The following UBR2 variants were observed in gnomAD, a reference collection of about 807,000 sequenced individuals.
UBR2 encodes the protein ubiquitin protein ligase E3 component n-recognin 2.
Under a neutral mutation model 247.9 loss-of-function variants are expected in UBR2, and 92 were observed. That is an observed-to-expected ratio of 0.37 (90% CI 0.31 to 0.44). The LOEUF (loss-of-function observed/expected upper bound fraction) is 0.44, where lower values mean the gene tolerates loss of function less well. Among genes scored for constraint, UBR2 ranks in the 20% least tolerant of loss-of-function variants. The pLI is 1.00. For missense variants in UBR2, 1,613 were observed against 2,112.6 expected (o/e 0.76, Z 4.64); for synonymous variants, 672 against 693.5 (o/e 0.97, Z 0.49).
intron 3 of UBR2, among the ~76,000 whole-genome samples, chr6:42,593,242 T>C (rs1442684194): frequency 2.0e-5 from 3 of 152,076 alleles, no homozygotes; most frequent in Non-Finnish European, 4.4e-5. Context: ...GTCTGTTCAT[T>C]AGTCTCATAA....
chr6:42,691,559 G>T lies in UBR2; in HGVS notation c.*386G>T, dbSNP rs1330685174. On this transcript the variant is annotated 3_prime_UTR_variant, in exon 47 of 47. Transcript: ENST00000372901. ...GGGAACAAAGTCTCTGTGGTCTGTT[G>T]GGTCATACTTCCTGGTTCCACTGAG... is the stretch of plus-strand genomic sequence containing the variant. 7.4e-6 allele frequency: 2 copies of T among 271,232 alleles called. No individual in the cohort carries two copies. The highest frequency in any genetic ancestry group is 3.7e-5 in the South Asian group (1 of 26,888). The allele number at this position is 271,232 out of a possible 1,614,324, so 16.8% of individuals were successfully genotyped here.
intron 2 of UBR2, among the ~76,000 whole-genome samples, chr6:42,583,591 A>G (rs57353881): frequency 0.022 from 3,252 of 149,420 alleles, 106 homozygotes; most frequent in African/African-American, 0.075. Context: ...GCACGATCTC[A>G]GCTCACTGCA....
Position 42,685,379 on chromosome 6 carries a change from C to T in UBR2, c.4853+508C>T, listed in dbSNP as rs190798888. Among the ~76,000 whole-genome samples, 777 of 147,528 alleles carry T rather than the reference C, an allele frequency of 5.3e-3. 4 individuals carry two copies. The highest frequency in any genetic ancestry group is 9.5e-3 in the Non-Finnish European group (629 of 66,218). ...ATAAAAGCATCATTTCACTATGTTTCAGAATAAGACATGGAATGGGAGTAG... is the reference window on the plus strand; with the variant it reads ...ATAAAAGCATCATTTCACTATGTTTTAGAATAAGACATGGAATGGGAGTAG... On this transcript the variant is annotated intron_variant, in intron 44 of 46. Coordinates refer to ENST00000372901, the MANE Select transcript of UBR2 (RefSeq NM_001363705.2).
chr6:42,629,296 C>G (rs1465798697), intron 11 of UBR2, among the ~76,000 whole-genome samples: 1 of 149,778 alleles, frequency 6.7e-6, no homozygotes, highest in Non-Finnish European at 1.5e-5. Context: ...AGATTACAGG[C>G]GTGAGCCACT....
intron 31 of UBR2, 132 bp from the exon 32 acceptor site, chr6:42,663,125 TA>T: frequency 2.7e-6 from 2 of 739,082 alleles, no homozygotes; most frequent in Non-Finnish European, 3.9e-6. Context: ...AAAATCATGT[TA>T]AAAATAATTT....
At chr6:42,605,942 GA>G in intron 6 of UBR2, 83 bp downstream of exon 6, 1 of 1,209,554 alleles carries the variant, frequency 8.3e-7, no homozygotes, top group Non-Finnish European at 1.1e-6. Context: ...TTGAGTTAAA[GA>G]TATATATATC....
At chr6:42,619,431 A>ATTTTTTTTTTTTT (rs1562317871) in intron 11 of UBR2, 1 of 17,186 alleles carries the variant, frequency 5.8e-5, no homozygotes, top group African/African-American at 2.5e-4. Flanking sequence ...ATATATATAT[A>ATTTTTTTTTTTTT]TATATATATA....
chr6:42,578,823 C>T (rs952109639), intron 2 of UBR2, among the ~76,000 whole-genome samples: 4 of 152,052 alleles, frequency 2.6e-5, no homozygotes, highest in Non-Finnish European at 5.9e-5. Context: ...ATTAGCTGGG[C>T]ATGGTGGTTC....
chr6:42,670,739 C>A, intron 36 of UBR2, 24 bp downstream of exon 36: 1 of 1,591,446 alleles, frequency 6.3e-7, no homozygotes. Context: ...TTATTCAGTT[C>A]ATGATAGTGG....
At chr6:42,653,378 C>A (rs571121700) in intron 25 of UBR2, among the ~76,000 whole-genome samples, 7 of 152,202 alleles carry the variant, frequency 4.6e-5, no homozygotes, top group Admixed American at 3.9e-4. Context: ...CCACTATGCC[C>A]AGCCCCTTGT....
intron 4 of UBR2, among the ~76,000 whole-genome samples, chr6:42,599,638 G>A (rs1793231475): frequency 6.6e-6 from 1 of 151,042 alleles, no homozygotes; most frequent in African/African-American, 2.5e-5. Context: ...TTGTTGTTAT[G>A]CTTTTGTTTT....
rs369490670 is a variant in UBR2 at position 42,658,119 on chromosome 6, C to T, written c.2968C>T (p.Arg990Trp). ...PYLEVHKDMI[R>W]WILKTFNAVK... ...CCTAGAAGTCCACAAAGACATGATTCGGTGGATATTGAAGGTAAAATTTCC... is the reference window on the plus strand; with the variant it reads ...CCTAGAAGTCCACAAAGACATGATTTGGTGGATATTGAAGGTAAAATTTCC... The change falls in exon 27 of 47, where the codon CGG (arginine) becomes TGG (tryptophan). Residue 990 changes from arginine to tryptophan, a missense_variant. Coordinates refer to ENST00000372901, the MANE Select transcript of UBR2 (RefSeq NM_001363705.2). 10 of 1,613,728 alleles carry T rather than the reference C, an allele frequency of 6.2e-6. No individual in the cohort carries two copies. The highest frequency in any genetic ancestry group is 5.3e-5 in the African/African-American group (4 of 74,866).
Position 42,691,256 on chromosome 6 carries a change from G to A in UBR2, c.*83G>A, listed in dbSNP as rs1799736461. Reference sequence around the variant, plus strand: ...GAAAGAAAGAAGTTCTGCTGAATTTGGAAATAAATTCTTTATTTAAACTTT... The same window carrying A: ...GAAAGAAAGAAGTTCTGCTGAATTTAGAAATAAATTCTTTATTTAAACTTT... On this transcript the variant is annotated 3_prime_UTR_variant, in exon 47 of 47. Coordinates refer to ENST00000372901, the MANE Select transcript of UBR2 (RefSeq NM_001363705.2). 1 of 1,549,690 alleles carries A rather than the reference G, an allele frequency of 6.5e-7. No homozygotes were observed. Among genetic ancestry groups the A allele is most frequent in the African/African-American group, 1.4e-5 (1 of 71,724 alleles).
At chr6:42,600,325 T>C (rs1282099043) in intron 4 of UBR2, among the ~76,000 whole-genome samples, 1 of 139,852 alleles carries the variant, frequency 7.2e-6, no homozygotes, top group Admixed American at 7.2e-5. Flanking sequence ...AGATGAACAT[T>C]CTGTAGCATA....
intron 15 of UBR2, among the ~76,000 whole-genome samples, chr6:42,639,149 G>A (rs1796277785): frequency 6.6e-6 from 1 of 152,178 alleles, no homozygotes; most frequent in Non-Finnish European, 1.5e-5. Context: ...AGCAGTAAAT[G>A]TTGAGAATAA....
At chr6:42,606,481 G>A in intron 6 of UBR2, 108 bp from the exon 7 acceptor site, 1 of 981,518 alleles carries the variant, frequency 1.0e-6, no homozygotes, top group Non-Finnish European at 1.5e-6. Flanking sequence ...TGTAAATATT[G>A]AAAATTGATC....
chr6:42,663,317 C>A lies in UBR2; in HGVS notation c.3596C>A (p.Thr1199Lys), dbSNP rs148417150. 8 of 1,613,660 alleles carry A rather than the reference C, an allele frequency of 5.0e-6. No individual in the cohort carries two copies. Among genetic ancestry groups the A allele is most frequent in the Non-Finnish European group, 6.8e-6 (8 of 1,179,832 alleles). The change falls in exon 32 of 47, where the codon ACG becomes AAG. Residue 1199 changes from threonine (T) to lysine (K), a missense_variant. Physicochemically the swap from Thr to Lys is moderately conservative, Grantham distance 78. Transcript: ENST00000372901. The stretch of plus-strand genomic sequence containing the variant: ...AGGCAACAGAGATTACGCTTACATA[C>A]GAGCTATGATGTAGAAAACGGAGAA... ...QRRQQRLRLH[T>K]SYDVENGEFL...
Position 42,676,874 on chromosome 6 carries a change from G to GT in UBR2, c.4478+2dup. The GT allele has an allele frequency of 1.2e-6, 2 of 1,610,414 alleles. No individual in the cohort carries two copies. Among genetic ancestry groups the GT allele is most frequent in the Non-Finnish European group, 1.7e-6 (2 of 1,176,816 alleles). On this transcript the variant is annotated splice_donor_variant, in intron 40 of 46. Transcript: ENST00000372901. LOFTEE classifies it high-confidence loss of function. ...AAACACTTCACCAGTATACGGGAAG[G>GT]TGAGTTAGTTATCTTTACATAACGC...
At chr6:42,653,159 A>G (rs1797220113) in intron 25 of UBR2, among the ~76,000 whole-genome samples, 1 of 152,168 alleles carries the variant, frequency 6.6e-6, no homozygotes, top group Admixed American at 6.5e-5. Flanking sequence ...ATCTTGGCTC[A>G]CTGCAACCTC....
Sources: allele counts gnomAD v4.1 joint callset (sites outside exome capture counted in the v4.1 genomes callset), GRCh38; gene constraint gnomAD v4.1.1; transcripts MANE v1.5; gene names NCBI Gene and HGNC (gene_info 2026-07-23, HGNC 2026-07-21).